The following SLC25A21 variants were observed in gnomAD, a reference collection of about 807,000 sequenced individuals.
The protein encoded by SLC25A21 is solute carrier family 25 member 21, also known as mitochondrial 2-oxodicarboxylate carrier.
SLC25A21 carries 47 observed loss-of-function variants against 43.8 expected under a neutral mutation model. The observed-to-expected ratio is 1.07, with a 90% CI of 0.85 to 1.37. SLC25A21 has a LOEUF of 1.37. Ranked by LOEUF, SLC25A21 falls within the 40% of genes most tolerant of loss-of-function variation. The pLI is 0.00. For synonymous variants in SLC25A21, 131 were observed against 121.3 expected (o/e 1.08, Z -0.52); for missense variants, 352 against 350.2 (o/e 1.00, Z -0.04).
intron 1 of SLC25A21, among the ~76,000 whole-genome samples, chr14:37,165,037 G>T (rs1964007987): frequency 6.6e-6 from 1 of 152,194 alleles, no homozygotes; most frequent in African/African-American, 2.4e-5. Flanking sequence ...ACTGCAGGGA[G>T]ATGCACAAAG....
chr14:36,687,344 T>C (rs1179883951), intron 7 of SLC25A21, among the ~76,000 whole-genome samples: 1 of 152,018 alleles, frequency 6.6e-6, no homozygotes, highest in Non-Finnish European at 1.5e-5. Flanking sequence ...CTGGCAATTT[T>C]ACAAAATACA....
Position 36,687,368 on chromosome 14 carries a change from C to T in SLC25A21, c.604-2443G>A, listed in dbSNP as rs562706853. On this transcript the variant is annotated intron_variant, in intron 7 of 9. Coordinates refer to ENST00000331299, the MANE Select transcript of SLC25A21 (RefSeq NM_030631.4). ...TTACAAAATACAGATGCCTGGGTCC[C>T]GCTGCAGACCCATCTCGGGGGTGAG... Among the ~76,000 whole-genome samples, 380 of 152,110 alleles carry T rather than the reference C, an allele frequency of 2.5e-3. 1 individual carries two copies. The highest frequency in any genetic ancestry group is 4.1e-3 in the Non-Finnish European group (281 of 67,982).
intron 1 of SLC25A21, among the ~76,000 whole-genome samples, chr14:36,955,279 G>A (rs1203258732): frequency 6.6e-6 from 1 of 152,146 alleles, no homozygotes; most frequent in Non-Finnish European, 1.5e-5. Flanking sequence ...ATAATAACTA[G>A]GTATAATGGC....
chr14:36,901,306 G>A (rs1267982502), intron 1 of SLC25A21, among the ~76,000 whole-genome samples: 1 of 152,140 alleles, frequency 6.6e-6, no homozygotes, highest in Non-Finnish European at 1.5e-5. Context: ...TAAACAAAAA[G>A]TATGAGGTAA....
At chr14:36,892,585 G>T (rs538504402) in intron 1 of SLC25A21, among the ~76,000 whole-genome samples, 2 of 151,716 alleles carry the variant, frequency 1.3e-5, no homozygotes, top group Non-Finnish European at 2.9e-5. Flanking sequence ...TTTAGGGTAC[G>T]TGTGCACAAT....
At chr14:37,041,909 A>T (rs1041664695) in intron 1 of SLC25A21, among the ~76,000 whole-genome samples, 1 of 152,194 alleles carries the variant, frequency 6.6e-6, no homozygotes, top group African/African-American at 2.4e-5. Context: ...ATATTATTCC[A>T]TCTTTAAACT....
intron 1 of SLC25A21, among the ~76,000 whole-genome samples, chr14:36,905,978 A>C (rs1891523382): frequency 6.6e-6 from 1 of 152,184 alleles, no homozygotes; most frequent in Non-Finnish European, 1.5e-5. Context: ...GACCGGCGAT[A>C]TGCAGAAGTC....
intron 1 of SLC25A21, among the ~76,000 whole-genome samples, chr14:37,077,788 T>C (rs1012897853): frequency 6.6e-6 from 1 of 152,156 alleles, no homozygotes; most frequent in African/African-American, 2.4e-5. Flanking sequence ...CCCTATAATA[T>C]ACAGTTTTTG....
intron 1 of SLC25A21, among the ~76,000 whole-genome samples, chr14:37,130,231 T>A (rs1365293101): frequency 6.6e-6 from 1 of 152,154 alleles, no homozygotes; most frequent in Non-Finnish European, 1.5e-5. Flanking sequence ...GCCTCTGTAC[T>A]TGTGCTTTTG....
intron 1 of SLC25A21, among the ~76,000 whole-genome samples, chr14:36,976,161 T>C (rs1959867057): frequency 6.6e-6 from 1 of 152,058 alleles, no homozygotes; most frequent in Non-Finnish European, 1.5e-5. Flanking sequence ...AGGAGAAACA[T>C]CTGCACAGTG....
chr14:36,711,628 T>A (rs1883877761), intron 6 of SLC25A21, 146 bp from the exon 7 acceptor site: 2 of 855,330 alleles, frequency 2.3e-6, no homozygotes, highest in Non-Finnish European at 3.3e-6. Flanking sequence ...CTGTGTTTTT[T>A]AAAATCAGCA....
At chr14:36,938,833 T>TA (rs561928342) in intron 1 of SLC25A21, among the ~76,000 whole-genome samples, 58 of 152,004 alleles carry the variant, frequency 3.8e-4, no homozygotes, top group African/African-American at 1.1e-3. Context: ...CATAAATTAG[T>TA]AAAAAAACAA....
chr14:37,042,064 A>C (rs28437272), intron 1 of SLC25A21, among the ~76,000 whole-genome samples: 73,708 of 152,042 alleles, frequency 0.48, 20,836 homozygotes, highest in African/African-American at 0.8. Flanking sequence ...TTTTTTCCTC[A>C]ATGATCTCTC....
intron 1 of SLC25A21, among the ~76,000 whole-genome samples, chr14:37,002,524 C>T (rs1196004194): frequency 6.6e-6 from 1 of 152,142 alleles, no homozygotes; most frequent in Non-Finnish European, 1.5e-5. Context: ...GTTCTTCCCT[C>T]CTTCCTACGT....
intron 1 of SLC25A21, among the ~76,000 whole-genome samples, chr14:36,947,568 T>G (rs1050656144): frequency 2.6e-5 from 4 of 152,162 alleles, no homozygotes; most frequent in Non-Finnish European, 4.4e-5. Flanking sequence ...TGATTTACCA[T>G]GTCTGCTCCG....
intron 3 of SLC25A21, among the ~76,000 whole-genome samples, chr14:36,757,800 T>C (rs946493605): frequency 5.9e-5 from 9 of 152,252 alleles, no homozygotes; most frequent in African/African-American, 1.4e-4. Context: ...TAGCACTTGC[T>C]AGAATTTCTT....
chr14:36,967,890 G>T (rs1959656102), intron 1 of SLC25A21, among the ~76,000 whole-genome samples: 1 of 152,122 alleles, frequency 6.6e-6, no homozygotes, highest in Non-Finnish European at 1.5e-5. Context: ...CCTCAATAAT[G>T]CAGAATGTGA....
intron 1 of SLC25A21, chr14:37,097,999 AAGTTCCTTTTACGG>A (rs1962734920): frequency 6.6e-6 from 1 of 152,208 alleles, no homozygotes; most frequent in East Asian, 1.9e-4. Context: ...TCCAGGTAAA[AAGTTCCTTTTACGG>A]TTCTTACAAC....
At chr14:36,826,359 A>T (rs935991719) in intron 2 of SLC25A21, among the ~76,000 whole-genome samples, 9 of 152,048 alleles carry the variant, frequency 5.9e-5, no homozygotes, top group African/African-American at 1.9e-4. Context: ...ATTGCCTCAC[A>T]TTACTTTTCT....
Sources: allele counts gnomAD v4.1 joint callset (sites outside exome capture counted in the v4.1 genomes callset), GRCh38; gene constraint gnomAD v4.1.1; transcripts MANE v1.5; gene names NCBI Gene and HGNC (gene_info 2026-07-23, HGNC 2026-07-21).